EBF1: variants seen among roughly 807,000 people sequenced by gnomAD.
The protein encoded by EBF1 is EBF transcription factor 1.
In EBF1, 10 loss-of-function variants were observed where a neutral mutation model predicts 68.4. The observed-to-expected ratio is 0.15, with a 90% CI of 0.09 to 0.25. The LOEUF is 0.25. EBF1 is among the 10% of genes least tolerant of loss of function. The pLI is 1.00. For missense variants in EBF1, 509 were observed against 794.4 expected (o/e 0.64, Z 4.32); for synonymous variants, 298 against 299.8 (o/e 0.99, Z 0.06).
At chr5:158,811,992 G>A (rs10057977) in intron 8 of EBF1, among the ~76,000 whole-genome samples, 5,352 of 152,232 alleles carry the variant, frequency 0.035, 312 homozygotes, top group African/African-American at 0.12. Context: ...TTAGGAGTCT[G>A]TATTTGTACC....
chr5:158,984,731 G>A (rs2127593602), intron 6 of EBF1: 1 of 137,894 alleles, frequency 7.3e-6, no homozygotes, highest in African/African-American at 2.8e-5. Flanking sequence ...CTGTCACCCA[G>A]GCTGCAGTGC....
At chr5:159,061,863 A>T (rs1480146444) in intron 6 of EBF1, among the ~76,000 whole-genome samples, 1 of 152,200 alleles carries the variant, frequency 6.6e-6, no homozygotes, top group Admixed American at 6.5e-5. Flanking sequence ...GAAAAAAAAG[A>T]GTGTATCAGA....
chr5:159,041,874 T>C (rs1238624057), intron 6 of EBF1, among the ~76,000 whole-genome samples: 1 of 152,188 alleles, frequency 6.6e-6, no homozygotes, highest in Non-Finnish European at 1.5e-5. Context: ...GTCATGTCCG[T>C]GTGTTGCAGA....
chr5:158,957,784 C>G (rs1010066721), intron 6 of EBF1, among the ~76,000 whole-genome samples: 19 of 152,180 alleles, frequency 1.2e-4, no homozygotes, highest in Admixed American at 1.2e-3. Context: ...TGATATTTTT[C>G]AAGGGAAATG....
chr5:159,035,846 G>C (rs1769937431), intron 6 of EBF1, among the ~76,000 whole-genome samples: 1 of 152,168 alleles, frequency 6.6e-6, no homozygotes, highest in Admixed American at 6.5e-5. Flanking sequence ...CAAAAGTATT[G>C]TGATAATCAC....
At chr5:158,956,397 T>C (rs1292558085) in intron 6 of EBF1, among the ~76,000 whole-genome samples, 1 of 152,026 alleles carries the variant, frequency 6.6e-6, no homozygotes, top group Admixed American at 6.6e-5. Context: ...CAAGAGGGTT[T>C]TCAAAACTGG....
At chr5:159,072,949 G>A (rs749241429) in intron 6 of EBF1, among the ~76,000 whole-genome samples, 2 of 152,158 alleles carry the variant, frequency 1.3e-5, no homozygotes, top group Non-Finnish European at 2.9e-5. Context: ...CTGCTTTTAT[G>A]CATAAATAAA....
intron 6 of EBF1, among the ~76,000 whole-genome samples, chr5:158,899,723 TCATC>T (rs1353244747): frequency 1.3e-5 from 2 of 152,140 alleles, no homozygotes; most frequent in African/African-American, 2.4e-5. Context: ...CCAAGCCTCT[TCATC>T]CATTCTATTT....
At chr5:159,056,469 C>A (rs1164298818) in intron 6 of EBF1, among the ~76,000 whole-genome samples, 1 of 152,158 alleles carries the variant, frequency 6.6e-6, no homozygotes, top group Non-Finnish European at 1.5e-5. Flanking sequence ...CTTCTGGAAT[C>A]ATTCTCCTGC....
chr5:158,844,217 G>A (rs1790941930), intron 6 of EBF1, among the ~76,000 whole-genome samples: 1 of 146,640 alleles, frequency 6.8e-6, no homozygotes. Flanking sequence ...GAGGGGGAAG[G>A]AAGGAGGTAA....
chr5:158,951,333 G>A (rs35003579), intron 6 of EBF1, among the ~76,000 whole-genome samples: 8,971 of 152,210 alleles, frequency 0.059, 381 homozygotes, highest in South Asian at 0.12. Context: ...AATGAGAGAA[G>A]GCAATGGCAA....
At chr5:158,868,824 T>A (rs1464002446) in intron 6 of EBF1, among the ~76,000 whole-genome samples, 2 of 152,170 alleles carry the variant, frequency 1.3e-5, no homozygotes, top group Admixed American at 1.3e-4. Flanking sequence ...AGGGTGGGAA[T>A]GTCATAAGCA....
At chr5:159,014,570 A>G (rs1765305840) in intron 6 of EBF1, among the ~76,000 whole-genome samples, 1 of 152,260 alleles carries the variant, frequency 6.6e-6, no homozygotes. Flanking sequence ...TGACTTGCCC[A>G]AAGTCACTAT....
At chr5:158,902,279 C>A (rs1428714988) in intron 6 of EBF1, among the ~76,000 whole-genome samples, 2 of 152,158 alleles carry the variant, frequency 1.3e-5, no homozygotes, top group Admixed American at 1.3e-4. Flanking sequence ...CCACACAATG[C>A]AATCAAAACT....
At chr5:158,823,949 T>C (rs954169358) in intron 7 of EBF1, among the ~76,000 whole-genome samples, 1 of 144,100 alleles carries the variant, frequency 6.9e-6, no homozygotes, top group South Asian at 2.3e-4. Flanking sequence ...AAAAAAAAAC[T>C]GGTGGGAATG....
chr5:158,895,498 T>C (rs2127259052), intron 6 of EBF1, among the ~76,000 whole-genome samples: 1 of 152,336 alleles, frequency 6.6e-6, no homozygotes, highest in South Asian at 2.1e-4. Flanking sequence ...TATTATCTCA[T>C]TTAATGGTCA....
chr5:158,895,473 T>C (rs973947981), intron 6 of EBF1, among the ~76,000 whole-genome samples: 1 of 152,220 alleles, frequency 6.6e-6, no homozygotes, highest in South Asian at 2.1e-4. Flanking sequence ...CTATACGTCC[T>C]AAGCATTCTA....
At chr5:158,955,749 T>G (rs2127517790) in intron 6 of EBF1, among the ~76,000 whole-genome samples, 1 of 152,284 alleles carries the variant, frequency 6.6e-6, no homozygotes, top group African/African-American at 2.4e-5. Flanking sequence ...ACCAGCCTCG[T>G]TATCAAATTA....
chr5:158,996,202 CT>C (rs1761387280), intron 6 of EBF1, among the ~76,000 whole-genome samples: 1 of 152,304 alleles, frequency 6.6e-6, no homozygotes, highest in African/African-American at 2.4e-5. Context: ...TTTATCAGAT[CT>C]TTTTATCTAG....
Sources: gnomAD v4.1 joint callset for allele counts (sites outside exome capture counted in the v4.1 genomes callset) on GRCh38, gnomAD v4.1.1 for gene constraint, MANE v1.5 for transcripts, NCBI Gene and HGNC (gene_info 2026-07-23, HGNC 2026-07-21) for gene names.